Variants in IPO7 observed in about 807,000 individuals in gnomAD.
IPO7 encodes importin 7.
Under a neutral mutation model 136.4 loss-of-function variants are expected in IPO7, and 13 were observed. The ratio of observed to expected loss-of-function variants is 0.10; its 90% CI spans 0.06 to 0.15. The LOEUF is 0.15. Among genes scored for constraint, IPO7 ranks in the 10% least tolerant of loss-of-function variants. The probability of loss-of-function intolerance (pLI) is 1.00; values close to 1 mark genes in which losing one functional copy is unlikely to be tolerated. For missense variants in IPO7, 857 were observed against 1,240.6 expected (o/e 0.69, Z 4.65); for synonymous variants, 403 against 404.4 (o/e 1.00, Z 0.04).
chr11:9,421,085 C>A (rs1855120737), intron 8 of IPO7, among the ~76,000 whole-genome samples: 2 of 151,942 alleles, frequency 1.3e-5, no homozygotes, highest in African/African-American at 4.8e-5. Context: ...CATCAGCCTC[C>A]CGAGTAGCTG....
Position 9,438,212 on chromosome 11 carries a change from A to C in IPO7, c.2622A>C (p.Arg874Ser), listed in dbSNP as rs1354338778. 6.2e-7 allele frequency: 1 copy of C among 1,613,558 alleles called. No homozygotes were observed. The highest frequency in any genetic ancestry group is 1.7e-5 in the Admixed American group (1 of 60,008). ...AFILLFNGLK[R>S]AYACHAEHEN... ...TCCTTTTATTTAACGGATTGAAAAGAGCATATGCCTGCCATGCAGAACATG... is the reference window on the plus strand; with the variant it reads ...TCCTTTTATTTAACGGATTGAAAAGCGCATATGCCTGCCATGCAGAACATG... Residue 874 changes from arginine to serine, a missense_variant, in exon 22 of 25, where the codon AGA becomes AGC. By Grantham distance (110) the Arg-to-Ser change is moderately radical. Coordinates refer to ENST00000379719, the MANE Select transcript of IPO7 (RefSeq NM_006391.3).
chr11:9,404,823 C>G (rs913863888), intron 2 of IPO7, among the ~76,000 whole-genome samples: 1 of 152,100 alleles, frequency 6.6e-6, no homozygotes, highest in Non-Finnish European at 1.5e-5. Context: ...GCCTTGGCCT[C>G]CCAAAGTGCT....
At chr11:9,436,202 G>A (rs1312055484) in intron 19 of IPO7, 69 bp from the exon 20 acceptor site, 24 of 1,069,806 alleles carry the variant, frequency 2.2e-5, no homozygotes, top group Non-Finnish European at 3.4e-5. Context: ...GTAGGAAATT[G>A]TTTCCTTGAT....
intron 21 of IPO7, 23 bp downstream of exon 21, chr11:9,437,997 A>C: frequency 6.3e-7 from 1 of 1,594,310 alleles, no homozygotes; most frequent in Non-Finnish European, 8.5e-7. Flanking sequence ...TTGCAATTTT[A>C]CTACATTTGC....
intron 8 of IPO7, 71 bp from the exon 9 acceptor site, chr11:9,422,935 T>C: frequency 1.1e-6 from 1 of 931,642 alleles, no homozygotes; most frequent in South Asian, 2.5e-5. Flanking sequence ...GTGTTAACTG[T>C]TTTTACTGGC....
intron 1 of IPO7, among the ~76,000 whole-genome samples, chr11:9,400,702 G>A (rs1226307032): frequency 2.0e-5 from 3 of 151,884 alleles, no homozygotes; most frequent in African/African-American, 4.8e-5. Context: ...GATTACAGGC[G>A]TGAGCCACTG....
At chr11:9,394,755 C>T (rs568558076) in intron 1 of IPO7, among the ~76,000 whole-genome samples, 2 of 152,240 alleles carry the variant, frequency 1.3e-5, no homozygotes, top group East Asian at 3.9e-4. Flanking sequence ...TCATACTGAT[C>T]TTTTTTTCTC....
chr11:9,437,550 G>A (rs1175961951), intron 20 of IPO7, among the ~76,000 whole-genome samples: 4 of 152,144 alleles, frequency 2.6e-5, no homozygotes, highest in Admixed American at 6.5e-5. Context: ...CACCACTCCC[G>A]GCCCGTCGTG....
chr11:9,432,060 A>G (rs1167359263), intron 16 of IPO7, among the ~76,000 whole-genome samples: 4 of 152,038 alleles, frequency 2.6e-5, no homozygotes, highest in Non-Finnish European at 5.9e-5. Context: ...CCTTTTCCCT[A>G]CTTCCTTTCT....
intron 12 of IPO7, among the ~76,000 whole-genome samples, chr11:9,425,687 A>C (rs1734332659): frequency 6.6e-6 from 1 of 152,134 alleles, no homozygotes; most frequent in Non-Finnish European, 1.5e-5. Context: ...CATCCTGGCT[A>C]ACACAGTGAA....
chr11:9,405,983 G>A (rs1854877122), intron 2 of IPO7, among the ~76,000 whole-genome samples: 1 of 151,696 alleles, frequency 6.6e-6, no homozygotes, highest in Non-Finnish European at 1.5e-5. Context: ...CAAACTTCTG[G>A]GCTCAAATAA....
intron 8 of IPO7, among the ~76,000 whole-genome samples, chr11:9,422,456 C>A (rs764616280): frequency 1.3e-5 from 2 of 151,234 alleles, no homozygotes; most frequent in Non-Finnish European, 2.9e-5. Context: ...TAGCTTTAAA[C>A]TAGTAGATCC....
In IPO7 at chr11:9,406,723, A is replaced by T. The variant is rs188380985; in HGVS notation, c.167-1763A>T. On this transcript the variant is annotated intron_variant, in intron 2 of 24. Coordinates refer to ENST00000379719, the MANE Select transcript of IPO7 (RefSeq NM_006391.3). ...CTGTCTCTACTAAAAATACAAAAAA[A>T]TTAGCCGGGTGGTAGTGGCATGCAC... Among the ~76,000 whole-genome samples, 288 of 152,100 alleles carry T rather than the reference A, an allele frequency of 1.9e-3. 1 individual carries two copies. Among genetic ancestry groups the T allele is most frequent in the Middle Eastern group, 6.8e-3 (2 of 292 alleles).
chr11:9,391,086 TAAA>T (rs1487404366), intron 1 of IPO7, among the ~76,000 whole-genome samples: 1 of 152,122 alleles, frequency 6.6e-6, no homozygotes, highest in East Asian at 1.9e-4. Flanking sequence ...TGATTTCTAA[TAAA>T]AAAGTTTTTT....
rs762138496 is a variant in IPO7 at position 9,423,963 on chromosome 11, G to A, written c.1141+87G>A. 4.1e-4 allele frequency: 293 copies of A among 707,980 alleles called. 1 individual carries two copies. The highest frequency in any genetic ancestry group is 7.9e-5 in the Non-Finnish European group (32 of 406,622). 43.9% of individuals were successfully genotyped at this position (707,980 alleles called of 1,614,324 possible). A position where few individuals can be genotyped will look rare whatever the true frequency, so the allele number is the denominator to read the frequency against. On this transcript the variant is annotated intron_variant, in intron 10 of 24. Coordinates refer to ENST00000379719, the MANE Select transcript of IPO7 (RefSeq NM_006391.3). ...ATGTAGCCAACCTAGGGGGTATTAT[G>A]TATCTTCTTTGTTGTTTTAATGTAA...
At position 9,424,768 on chromosome 11, in the gene IPO7, A is replaced by G. The variant is rs937175539; in HGVS notation, c.1142-146A>G. The G allele has an allele frequency of 1.2e-5, 7 of 586,842 alleles. No individual in the cohort carries two copies. In the Admixed American group the frequency reaches 2.0e-4, roughly 17 times the overall value. The allele number at this position is 586,842 out of a possible 1,614,324, so 36.4% of individuals were successfully genotyped here. A position where few individuals can be genotyped will look rare whatever the true frequency, so the allele number is the denominator to read the frequency against. On this transcript the variant is annotated intron_variant, in intron 10 of 24. Coordinates refer to ENST00000379719, the MANE Select transcript of IPO7 (RefSeq NM_006391.3). ...AAACAAACAAAAGCATTCAATTTGT[A>G]CAGAAAAGACATTGAATTCTGCTTT... is the stretch of plus-strand genomic sequence containing the variant.
In IPO7 at chr11:9,439,582, T is replaced by G. The variant is rs189662534; in HGVS notation, c.2696-873T>G. Reference sequence around the variant, plus strand: ...TGGGGGTTTTTTTTGTTTGTTTTTTTTTGTTGTTGTTGTTGAGACGGAATC... The same window carrying G: ...TGGGGGTTTTTTTTGTTTGTTTTTTGTTGTTGTTGTTGTTGAGACGGAATC... On this transcript the variant is annotated intron_variant, in intron 22 of 24. Transcript: ENST00000379719. 1.7e-4 allele frequency among the ~76,000 whole-genome samples: 26 copies of G among 152,138 alleles called. 2 individuals carry two copies. The South Asian group carries it at 3.1e-3, about 18-fold the overall frequency.
At chr11:9,438,852 A>G (rs1020699388) in intron 22 of IPO7, among the ~76,000 whole-genome samples, 20 of 152,244 alleles carry the variant, frequency 1.3e-4, no homozygotes, top group Non-Finnish European at 1.3e-4. Flanking sequence ...AGATACAAAG[A>G]TGAATGAGAT....
At chr11:9,431,948 C>T (rs1278459182) in intron 16 of IPO7, among the ~76,000 whole-genome samples, 1 of 152,078 alleles carries the variant, frequency 6.6e-6, no homozygotes, top group Non-Finnish European at 1.5e-5. Context: ...GCACTCCAGC[C>T]TGGGCGACAG....
Sources: gnomAD v4.1 joint callset for allele counts (sites outside exome capture counted in the v4.1 genomes callset) on GRCh38, gnomAD v4.1.1 for gene constraint, MANE v1.5 for transcripts, NCBI Gene and HGNC (gene_info 2026-07-23, HGNC 2026-07-21) for gene names.